FAR2: variants seen among roughly 807,000 people sequenced by gnomAD.
FAR2 encodes fatty acyl-CoA reductase 2, also known as epididymis secretory protein Li 81.
A neutral mutation model predicts 56.0 loss-of-function variants in FAR2; 19 were observed. The ratio of observed to expected loss-of-function variants is 0.34; its 90% CI spans 0.24 to 0.50. The LOEUF (loss-of-function observed/expected upper bound fraction) is 0.50. Ranked by LOEUF, FAR2 falls within the 20% of genes least tolerant of loss-of-function variation. FAR2 has a pLI of 0.98. For synonymous variants in FAR2, 219 were observed against 218.8 expected, an observed-to-expected ratio of 1.00 and a Z score of -0.01; for missense variants, 508 against 642.2, an observed-to-expected ratio of 0.79 and a Z score of 2.26.
chr12:29,314,554 C>T (rs778169361), intron 8 of FAR2, among the ~76,000 whole-genome samples: 9 of 151,270 alleles, frequency 5.9e-5, no homozygotes, highest in Admixed American at 2.6e-4. Flanking sequence ...TTTCAGTAAA[C>T]GCTTGCTATT....
intron 1 of FAR2, among the ~76,000 whole-genome samples, chr12:29,269,573 C>G (rs371412734): frequency 6.6e-6 from 1 of 152,138 alleles, no homozygotes; most frequent in East Asian, 1.9e-4. Flanking sequence ...AGGGTATTGA[C>G]TGGGGAAGTG....
intron 1 of FAR2, among the ~76,000 whole-genome samples, chr12:29,189,511 G>A (rs903227157): frequency 6.6e-6 from 1 of 152,084 alleles, no homozygotes; most frequent in South Asian, 2.1e-4. Context: ...TCCTCTTGTT[G>A]GAGAATGATA....
intron 1 of FAR2, among the ~76,000 whole-genome samples, chr12:29,164,268 T>C (rs556162689): frequency 6.6e-6 from 1 of 152,330 alleles, no homozygotes; most frequent in East Asian, 1.9e-4. Flanking sequence ...GCACGAGGCC[T>C]TGATGAGGCA....
At chr12:29,321,976 T>C (rs752868782) in intron 10 of FAR2, 52 bp downstream of exon 10, 46 of 1,552,066 alleles carry the variant, frequency 3.0e-5, no homozygotes, top group Non-Finnish European at 3.9e-5. Flanking sequence ...ACTTGGAATT[T>C]AGAATTATTT....
intron 1 of FAR2, among the ~76,000 whole-genome samples, chr12:29,213,381 T>C (rs1160159962): frequency 1.3e-5 from 2 of 152,104 alleles, no homozygotes; most frequent in African/African-American, 4.8e-5. Context: ...CCCTGCCATA[T>C]ATGAGTACAA....
chr12:29,231,175 A>T (rs1006010612), intron 1 of FAR2, among the ~76,000 whole-genome samples: 4 of 152,180 alleles, frequency 2.6e-5, no homozygotes, highest in Admixed American at 6.5e-5. Context: ...TAGGAGTAAG[A>T]GTGGATGCAG....
chr12:29,173,973 G>T lies in FAR2; in HGVS notation c.-39+24566G>T, dbSNP rs572159334. Among the ~76,000 whole-genome samples the T allele has an allele frequency of 8.3e-4, 126 of 152,280 alleles. 1 individual carries two copies. Among genetic ancestry groups the T allele is most frequent in the African/African-American group, 2.9e-3 (119 of 41,540 alleles). On this transcript the variant is annotated intron_variant, in intron 1 of 11. Transcript: ENST00000536681. ...AGAGGACTGAGGAAGGTCAGATTTAGTGGCCCTTACTGACACATTCTCGAA... is the reference window on the plus strand; with the variant it reads ...AGAGGACTGAGGAAGGTCAGATTTATTGGCCCTTACTGACACATTCTCGAA...
intron 1 of FAR2, among the ~76,000 whole-genome samples, chr12:29,158,126 T>C (rs1472528177): frequency 6.6e-6 from 1 of 152,252 alleles, no homozygotes; most frequent in South Asian, 2.1e-4. Flanking sequence ...TATTTGTTTC[T>C]GATAGATATT....
At chr12:29,324,089 T>G (rs1949601929) in intron 10 of FAR2, among the ~76,000 whole-genome samples, 1 of 152,114 alleles carries the variant, frequency 6.6e-6, no homozygotes, top group Admixed American at 6.5e-5. Context: ...GCTCGAGAAC[T>G]ACGTGACGAA....
intron 2 of FAR2, among the ~76,000 whole-genome samples, chr12:29,289,451 C>T (rs1948926492): frequency 6.6e-6 from 1 of 152,168 alleles, no homozygotes; most frequent in Admixed American, 6.5e-5. Context: ...AAAAGACAGC[C>T]TCTTCAATAA....
chr12:29,210,818 G>T (rs1947537365), intron 1 of FAR2, among the ~76,000 whole-genome samples: 4 of 152,154 alleles, frequency 2.6e-5, no homozygotes, highest in Admixed American at 2.6e-4. Flanking sequence ...CGGGTGCGGT[G>T]GCATGGGCCT....
chr12:29,198,780 C>A (rs140160972), intron 1 of FAR2, among the ~76,000 whole-genome samples: 1 of 152,126 alleles, frequency 6.6e-6, no homozygotes, highest in Non-Finnish European at 1.5e-5. Context: ...ATACTTTCTG[C>A]GTCATAACCA....
intron 1 of FAR2, among the ~76,000 whole-genome samples, chr12:29,208,454 G>A (rs1947501971): frequency 1.3e-5 from 2 of 152,180 alleles, no homozygotes; most frequent in African/African-American, 2.4e-5. Flanking sequence ...TAATTTTACC[G>A]TGTAACCTTT....
chr12:29,305,925 C>T (rs1028658309), intron 4 of FAR2, among the ~76,000 whole-genome samples: 7 of 152,030 alleles, frequency 4.6e-5, no homozygotes, highest in African/African-American at 7.2e-5. Context: ...ATGACAGCAA[C>T]TGGTACTAGC....
chr12:29,211,493 T>C (rs1300509525), intron 1 of FAR2, among the ~76,000 whole-genome samples: 1 of 152,172 alleles, frequency 6.6e-6, no homozygotes, highest in African/African-American at 2.4e-5. Flanking sequence ...TCAACAAGTT[T>C]AGAAAACTAT....
chr12:29,186,941 A>G (rs536666151), intron 1 of FAR2, among the ~76,000 whole-genome samples: 128 of 152,134 alleles, frequency 8.4e-4, no homozygotes, highest in African/African-American at 3.0e-3. Flanking sequence ...GGCGCCCGCC[A>G]CCACAACCGG....
chr12:29,249,887 A>G (rs12826064), intron 1 of FAR2, among the ~76,000 whole-genome samples: 19,138 of 152,178 alleles, frequency 0.13, 1,399 homozygotes, highest in East Asian at 0.27. Context: ...CTTACCTCTT[A>G]CTTCCGAATC....
chr12:29,295,756 A>ATTTTT lies in FAR2; in HGVS notation c.366-1246_366-1242dup, dbSNP rs61390530. Among the ~76,000 whole-genome samples the ATTTTT allele has an allele frequency of 4.6e-3, 405 of 88,384 alleles. 9 individuals carry two copies. The highest frequency in any genetic ancestry group is 0.025 in the Middle Eastern group (2 of 80). 58.0% of individuals were successfully genotyped at this position (88,384 alleles called of 152,430 possible). On this transcript the variant is annotated intron_variant, in intron 3 of 11. Transcript: ENST00000536681. ...CAAGCAGCTAGTGATTTTTTACGTA[A>ATTTTT]TTTTTTTTTTTTTTTTTTTTTTTGA...
At position 29,293,387 on chromosome 12, in the gene FAR2, A is replaced by G; in HGVS notation, c.277A>G (p.Ile93Val). ...AGATCTCAATCAGAATGACTTTGCC[A>G]TCAGCAAAGAGGACATGCAGGAGCT... ...YADLNQNDFA[I>V]SKEDMQELLS... The change falls in exon 3 of 12, where the codon ATC becomes GTC. Residue 93 changes from isoleucine (I) to valine (V), a missense_variant. Coordinates refer to ENST00000536681, the MANE Select transcript of FAR2 (RefSeq NM_001271783.2). 6.2e-7 allele frequency: 1 copy of G among 1,613,102 alleles called. No homozygotes were observed. The highest frequency in any genetic ancestry group is 8.5e-7 in the Non-Finnish European group (1 of 1,179,574).
Sources: allele counts gnomAD v4.1 joint callset (sites outside exome capture counted in the v4.1 genomes callset), GRCh38; gene constraint gnomAD v4.1.1; transcripts MANE v1.5; gene names NCBI Gene and HGNC (gene_info 2026-07-23, HGNC 2026-07-21).